Variants in LRRC69 observed in about 807,000 individuals in gnomAD.
LRRC69 encodes the protein leucine-rich repeat-containing protein 69.
A neutral mutation model predicts 37.8 loss-of-function variants in LRRC69; 42 were observed. The observed-to-expected ratio is 1.11, with a 90% CI of 0.87 to 1.44. The LOEUF (loss-of-function observed/expected upper bound fraction) is 1.44, where lower values mean the gene tolerates loss of function less well. Among genes scored for constraint, LRRC69 ranks in the 40% most tolerant of loss-of-function variants. LRRC69 has a pLI of 0.00. For missense variants in LRRC69, 357 were observed against 401.9 expected (o/e 0.89, Z 0.96); for synonymous variants, 141 against 143.1 (o/e 0.99, Z 0.11).
chr8:91,200,524 A>G (rs939601560), intron 6 of LRRC69, 89 bp from the exon 7 acceptor site: 1 of 821,068 alleles, frequency 1.2e-6, no homozygotes, highest in Non-Finnish European at 1.8e-6. Context: ...ATAATAAGCC[A>G]TACACTTTAT....
At chr8:91,113,071 A>T (rs1337444633) in intron 1 of LRRC69, among the ~76,000 whole-genome samples, 1 of 152,060 alleles carries the variant, frequency 6.6e-6, no homozygotes, top group Non-Finnish European at 1.5e-5. Context: ...GTTGAAAAAG[A>T]TACATGTAAA....
chr8:91,143,536 A>G (rs1808566551), intron 5 of LRRC69, among the ~76,000 whole-genome samples: 1 of 152,042 alleles, frequency 6.6e-6, no homozygotes, highest in African/African-American at 2.4e-5. Flanking sequence ...TAAGAATCTT[A>G]AGTATTTGTA....
intron 7 of LRRC69, among the ~76,000 whole-genome samples, chr8:91,211,836 G>A (rs1478707994): frequency 2.0e-5 from 3 of 151,806 alleles, no homozygotes; most frequent in Non-Finnish European, 4.4e-5. Context: ...AAAGGAGGGA[G>A]ACACTGGATG....
Position 91,158,395 on chromosome 8 carries a change from C to T in LRRC69, c.651+22656C>T. On this transcript the variant is annotated intron_variant, in intron 5 of 7. Coordinates refer to ENST00000448384, the Ensembl canonical transcript of LRRC69. ...ACAACATCAAAACAAACTCTGATCA[C>T]CCCAAGAAAGTAAACAAAGATGATG... 1.4e-6 allele frequency: 2 copies of T among 1,396,740 alleles called. 1 individual carries two copies. The highest frequency in any genetic ancestry group is 3.4e-5 in the Admixed American group (2 of 58,958). 86.5% of individuals were successfully genotyped at this position (1,396,740 alleles called of 1,614,324 possible).
At chr8:91,155,178 G>A (rs1808811704) in intron 5 of LRRC69, among the ~76,000 whole-genome samples, 1 of 151,216 alleles carries the variant, frequency 6.6e-6, no homozygotes, top group Admixed American at 6.6e-5. Flanking sequence ...GGATGTGAAG[G>A]ACCTCTTCAA....
chr8:91,131,211 A>G (rs75246653), intron 3 of LRRC69, among the ~76,000 whole-genome samples: 3,232 of 149,608 alleles, frequency 0.022, 111 homozygotes, highest in African/African-American at 0.074. Context: ...TTCAATTTCC[A>G]TATAAATTTT....
chr8:91,163,733 T>A (rs1327492893), intron 5 of LRRC69, among the ~76,000 whole-genome samples: 1 of 151,442 alleles, frequency 6.6e-6, no homozygotes, highest in East Asian at 1.9e-4. Flanking sequence ...ATCAGGTAGT[T>A]AAAATTATAT....
chr8:91,154,372 C>A (rs1808795870), intron 5 of LRRC69, among the ~76,000 whole-genome samples: 1 of 151,896 alleles, frequency 6.6e-6, no homozygotes, highest in African/African-American at 2.4e-5. Flanking sequence ...CTCCCTAACT[C>A]ATTTTGTGAG....
At chr8:91,187,370 G>T (rs1037890979) in intron 5 of LRRC69, among the ~76,000 whole-genome samples, 12 of 152,166 alleles carry the variant, frequency 7.9e-5, no homozygotes, top group Non-Finnish European at 1.8e-4. Flanking sequence ...AGTTGGTCTT[G>T]TTATTCCTTC....
At chr8:91,151,758 C>G (rs1342690083) in intron 5 of LRRC69, among the ~76,000 whole-genome samples, 1 of 151,698 alleles carries the variant, frequency 6.6e-6, no homozygotes, top group African/African-American at 2.4e-5. Flanking sequence ...TACATTCCCA[C>G]CAACAGTGTA....
intron 5 of LRRC69, among the ~76,000 whole-genome samples, chr8:91,143,791 G>GA (rs777224004): frequency 1.1e-3 from 166 of 150,048 alleles, no homozygotes; most frequent in Non-Finnish European, 1.9e-3. Flanking sequence ...AACACAGGAG[G>GA]AAAAAAAAAT....
intron 5 of LRRC69, among the ~76,000 whole-genome samples, chr8:91,168,583 T>TG (rs1809070362): frequency 1.3e-5 from 2 of 151,914 alleles, no homozygotes; most frequent in Admixed American, 1.3e-4. Flanking sequence ...GACTGTAAAG[T>TG]GCAAGCACGA....
rs773741985 is a variant in LRRC69, at chr8:91,140,877, T to TCTC, written c.651+5141_651+5143dup. On this transcript the variant is annotated intron_variant, in intron 5 of 7. Coordinates refer to ENST00000448384, the Ensembl canonical transcript of LRRC69. Reference sequence around the variant, plus strand: ...ACCGTTTTAGCCGGGATGGTCTCGATCTCCTGACCTCGTGATCCGCCCGCC... The same window carrying TCTC: ...ACCGTTTTAGCCGGGATGGTCTCGATCTCCTCCTGACCTCGTGATCCGCCCGCC... Among the ~76,000 whole-genome samples the TCTC allele has an allele frequency of 1.4e-3, 29 of 20,486 alleles. 11 individuals carry two copies. The East Asian group carries it at 0.027, about 19-fold the overall frequency. The allele number at this position is 20,486 out of a possible 152,430, so 13.4% of individuals were successfully genotyped here. A position where few individuals can be genotyped will look rare whatever the true frequency, so the allele number is the denominator to read the frequency against.
At chr8:91,195,050 T>G (rs1274278785) in intron 6 of LRRC69, among the ~76,000 whole-genome samples, 1 of 152,262 alleles carries the variant, frequency 6.6e-6, no homozygotes, top group Non-Finnish European at 1.5e-5. Flanking sequence ...TGTGTCTTTG[T>G]TCTCATTGGT....
intron 3 of LRRC69, among the ~76,000 whole-genome samples, chr8:91,132,813 G>A (rs919139194): frequency 2.0e-5 from 3 of 151,792 alleles, no homozygotes; most frequent in Admixed American, 2.0e-4. Context: ...TCTTGGGTAT[G>A]GCCAATGTAT....
chr8:91,153,708 T>G (rs910518438), intron 5 of LRRC69, among the ~76,000 whole-genome samples: 3 of 151,084 alleles, frequency 2.0e-5, no homozygotes, highest in African/African-American at 7.3e-5. Flanking sequence ...GGGATGCAGC[T>G]AAAGCAGTGA....
At position 91,200,712 on chromosome 8, in the gene LRRC69, C is replaced by A. The variant is rs562547701; in HGVS notation, c.853C>A (p.Gln285Lys). Reference sequence around the variant, plus strand: ...CCCACAAGTCAGGAGCATGATCTCTCAGGGAAAAACATGTGCAATATGTGG... The same window carrying A: ...CCCACAAGTCAGGAGCATGATCTCTAAGGGAAAAACATGTGCAATATGTGG... Residue 285 changes from glutamine to lysine, a missense_variant, in exon 7 of 8, where the codon CAG (glutamine) becomes AAG (lysine). Transcript: ENST00000448384. 29 of 1,534,218 alleles carry A rather than the reference C, an allele frequency of 1.9e-5. 1 individual carries two copies. In the South Asian group the frequency reaches 3.6e-4, roughly 19 times the overall value.
At chr8:91,154,777 G>A (rs1249499790) in intron 5 of LRRC69, among the ~76,000 whole-genome samples, 1 of 151,690 alleles carries the variant, frequency 6.6e-6, no homozygotes, top group Non-Finnish European at 1.5e-5. Context: ...ACATGGAATG[G>A]GGAAAAGCTG....
At chr8:91,111,960 C>A (rs192862495) in intron 1 of LRRC69, among the ~76,000 whole-genome samples, 6 of 151,714 alleles carry the variant, frequency 4.0e-5, no homozygotes, top group African/African-American at 1.4e-4. Flanking sequence ...GAAAGTACAC[C>A]GTGCTATGCA....
Sources: allele counts gnomAD v4.1 joint callset (sites outside exome capture counted in the v4.1 genomes callset), GRCh38; gene constraint gnomAD v4.1.1; transcripts MANE v1.5; gene names NCBI Gene and HGNC (gene_info 2026-07-23, HGNC 2026-07-21).